The following NOTCH2 variants were observed in gnomAD, a reference collection of about 807,000 sequenced individuals.
NOTCH2 encodes notch receptor 2, also known as neurogenic locus notch homolog protein 2.
In NOTCH2, 29 loss-of-function variants were observed where a neutral mutation model predicts 235.8. That is an observed-to-expected ratio of 0.12 (90% CI 0.09 to 0.17). The LOEUF is 0.17. Ranked by LOEUF, NOTCH2 falls within the 10% of genes least tolerant of loss-of-function variation. NOTCH2 has a pLI of 1.00. For missense variants in NOTCH2, 2,285 were observed against 3,150.2 expected, an observed-to-expected ratio of 0.73 and a Z score of 6.57; for synonymous variants, 1,086 against 1,141.5, an observed-to-expected ratio of 0.95 and a Z score of 0.98.
intron 11 of NOTCH2, among the ~76,000 whole-genome samples, chr1:119,963,155 G>A (rs1283829812): frequency 7.3e-5 from 10 of 136,644 alleles, no homozygotes; most frequent in African/African-American, 2.8e-4. Flanking sequence ...TTAAAGGAAG[G>A]GAAGAAGGGA....
At chr1:119,999,960 A>AAGG in intron 3 of NOTCH2, among the ~76,000 whole-genome samples, 1 of 131,960 alleles carries the variant, frequency 7.6e-6, no homozygotes, top group South Asian at 2.5e-4. Flanking sequence ...AGAAAGAAAG[A>AAGG]AAGAAAGAAA....
intron 5 of NOTCH2, among the ~76,000 whole-genome samples, chr1:119,982,257 A>G (rs1440584316): frequency 6.6e-6 from 1 of 152,196 alleles, no homozygotes; most frequent in Non-Finnish European, 1.5e-5. Context: ...ATATCCACCT[A>G]ACTTCCATTG....
Position 119,922,621 on chromosome 1 carries a change from A to G in NOTCH2, c.5002+15T>C. On this transcript the variant is annotated intron_variant, in intron 27 of 33. Coordinates refer to ENST00000256646, the MANE Select transcript of NOTCH2 (RefSeq NM_024408.4). ...TTCCCCCGCCACCTTTCCCCTTTACACCAGTGCCACTCACTGACGACAGAC... is the reference window on the plus strand; with the variant it reads ...TTCCCCCGCCACCTTTCCCCTTTACGCCAGTGCCACTCACTGACGACAGAC... 2 of 1,613,628 alleles carry G rather than the reference A, an allele frequency of 1.2e-6. No homozygotes were observed. Among genetic ancestry groups the G allele is most frequent in the Middle Eastern group, 1.7e-4 (1 of 6,060 alleles).
chr1:120,063,497 T>A (rs1435392954), intron 1 of NOTCH2, among the ~76,000 whole-genome samples: 1 of 152,152 alleles, frequency 6.6e-6, no homozygotes, highest in Non-Finnish European at 1.5e-5. Flanking sequence ...AACAAAGTCA[T>A]ACAACACAAA....
chr1:119,916,303 T>C lies in NOTCH2; in HGVS notation c.6419A>G (p.Gln2140Arg), dbSNP rs771359660. The C allele has an allele frequency of 6.2e-7, 1 of 1,614,182 alleles. No homozygotes were observed. ...TAAAGTTACTGAACTCTCAGACAGT[T>C]GGACCTTCTCACTCAGAGACTTCTT... ...RRKKSLSEKV[Q>R]LSESSVTLSP... is the part of the protein sequence containing the mutation. Residue 2140 changes from glutamine to arginine, a missense_variant, in exon 34 of 34, where the codon CAA becomes CGA. Gln to Arg is a conservative substitution (Grantham distance 43). Around this residue, in one of 6 missense-constraint regions of NOTCH2, gnomAD observed 504 missense variants for 538.0 expected, o/e 0.94. Transcript: ENST00000256646.
rs587660020 is a variant in NOTCH2, at chr1:119,913,675, G to A, written c.*1631C>T. On this transcript the variant is annotated 3_prime_UTR_variant, in exon 34 of 34. Coordinates refer to ENST00000256646, the MANE Select transcript of NOTCH2 (RefSeq NM_024408.4). Reference sequence around the variant, plus strand: ...GCATGAATACAGAGAGTGGATTCAGGTGAGGGGCAATCAGTCTGAACAATG... The same window carrying A: ...GCATGAATACAGAGAGTGGATTCAGATGAGGGGCAATCAGTCTGAACAATG... 1 of 233,284 alleles carries A rather than the reference G, an allele frequency of 4.3e-6. No individual in the cohort carries two copies. The highest frequency in any genetic ancestry group is 8.5e-6 in the Non-Finnish European group (1 of 118,046). 14.5% of individuals were successfully genotyped at this position (233,284 alleles called of 1,614,324 possible). A position where few individuals can be genotyped will look rare whatever the true frequency, so the allele number is the denominator to read the frequency against.
chr1:119,926,676 A>T, intron 23 of NOTCH2, 65 bp from the exon 24 acceptor site: 1 of 1,348,010 alleles, frequency 7.4e-7, no homozygotes, highest in Non-Finnish European at 1.0e-6. Flanking sequence ...TTACTCAACA[A>T]ACTTTGCTGG....
rs1648996721 is a variant in NOTCH2 at position 119,914,506 on chromosome 1, AAGAAAAATTAAGGTGC to A, written c.*784_*799del. 1 of 233,408 alleles carries A rather than the reference AAGAAAAATTAAGGTGC, an allele frequency of 4.3e-6. No individual in the cohort carries two copies. Among genetic ancestry groups the A allele is most frequent in the Non-Finnish European group, 8.5e-6 (1 of 118,238 alleles). The allele number at this position is 233,408 out of a possible 1,614,324, so 14.5% of individuals were successfully genotyped here. A position where few individuals can be genotyped will look rare whatever the true frequency, so the allele number is the denominator to read the frequency against. ...TTTATATGAAGACCTGCACACAGAC[AAGAAAAATTAAGGTGC>A]AGCCTCTTGAAGGGATCTCCTGCCC... On this transcript the variant is annotated 3_prime_UTR_variant, in exon 34 of 34. Transcript: ENST00000256646.
At chr1:119,989,109 C>A (rs1038771350) in intron 4 of NOTCH2, among the ~76,000 whole-genome samples, 55 of 152,168 alleles carry the variant, frequency 3.6e-4, no homozygotes, top group African/African-American at 1.1e-3. Context: ...CTTCTGGGGC[C>A]AAACTGTCTA....
intron 12 of NOTCH2, among the ~76,000 whole-genome samples, chr1:119,956,097 T>A (rs1219488150): frequency 6.6e-6 from 1 of 152,218 alleles, no homozygotes; most frequent in Non-Finnish European, 1.5e-5. Context: ...GAAGTGAATA[T>A]GTTGCTCCTC....
intron 3 of NOTCH2, among the ~76,000 whole-genome samples, chr1:119,999,943 GAAA>G: frequency 8.9e-6 from 1 of 112,886 alleles, no homozygotes; most frequent in South Asian, 3.4e-4. Flanking sequence ...AAGAAAGAAA[GAAA>G]GAAAGAAAGA....
chr1:119,961,507 CT>C (rs1246498957), intron 11 of NOTCH2, among the ~76,000 whole-genome samples: 1 of 152,340 alleles, frequency 6.6e-6, no homozygotes, highest in African/African-American at 2.4e-5. Flanking sequence ...TGTGTGACCT[CT>C]GGTCTACAAA....
intron 2 of NOTCH2, among the ~76,000 whole-genome samples, chr1:120,006,083 C>T: frequency 6.6e-6 from 1 of 152,006 alleles, no homozygotes; most frequent in Non-Finnish European, 1.5e-5. Flanking sequence ...TGCTTTTCCT[C>T]AATTAAGCAT....
In NOTCH2 at chr1:119,929,031, C is replaced by G; in HGVS notation, c.3837G>C (p.Leu1279=). 1 of 1,614,122 alleles carries G rather than the reference C, an allele frequency of 6.2e-7. No individual in the cohort carries two copies. Among genetic ancestry groups the G allele is most frequent in the Non-Finnish European group, 8.5e-7 (1 of 1,180,026 alleles). The change falls in exon 23 of 34, where the codon CTG becomes CTC. Residue 1279 remains leucine, a synonymous_variant. Transcript: ENST00000256646. ...AGTCATTGGTGAGCTGTATACAGTC[C>G]AGGCTGCCCTCAGAGCTGCAGGGGT... is the stretch of plus-strand genomic sequence containing the variant. ...LSNPCSSEGS[L]DCIQLTNDYL... is the part of the protein sequence containing the mutation.
chr1:120,040,879 T>C lies in NOTCH2; in HGVS notation c.74-10892A>G, dbSNP rs1281844065. 1.8e-4 allele frequency among the ~76,000 whole-genome samples: 26 copies of C among 146,490 alleles called. No homozygotes were observed. In the South Asian group the frequency reaches 3.0e-3, roughly 17 times the overall value. ...GGTGAAACCACATCTCTACTAAAAA[T>C]ACAAAAAAAAAATTAGCTGGGCATG... On this transcript the variant is annotated intron_variant, in intron 1 of 33. Transcript: ENST00000256646.
chr1:119,975,944 G>A (rs976126485), intron 5 of NOTCH2, among the ~76,000 whole-genome samples: 3 of 152,162 alleles, frequency 2.0e-5, no homozygotes. Flanking sequence ...AGAAAGAAAA[G>A]AAGAGAAAGG....
chr1:120,017,836 G>A (rs1464215523), intron 2 of NOTCH2, among the ~76,000 whole-genome samples: 2 of 150,602 alleles, frequency 1.3e-5, no homozygotes, highest in African/African-American at 4.9e-5. Flanking sequence ...ATTCCCTCTT[G>A]CACTTTTATT....
chr1:119,921,734 C>A lies in NOTCH2; in HGVS notation c.5289G>T (p.Gly1763=). 1 of 1,614,090 alleles carries A rather than the reference C, an allele frequency of 6.2e-7. No homozygotes were observed. Among genetic ancestry groups the A allele is most frequent in the Non-Finnish European group, 8.5e-7 (1 of 1,179,968 alleles). The change falls in exon 29 of 34, where the codon GGG becomes GGT. Residue 1763 remains glycine (G), a synonymous_variant. Transcript: ENST00000256646. The part of the protein sequence containing the change: ...GTSEHWVDDE[G]PQPKKVKAED... ...TCACCTTTACTTTCTTTGGCTGGGG[C>A]CCTTCATCATCGACCCAGTGTTCAC...
chr1:119,991,755 A>G (rs1428981638), intron 4 of NOTCH2: 1 of 62,232 alleles, frequency 1.6e-5, no homozygotes, highest in East Asian at 3.5e-4. Flanking sequence ...TGAACCCGGG[A>G]GGTGGAGGTT....
Sources: gnomAD v4.1 joint callset for allele counts (sites outside exome capture counted in the v4.1 genomes callset) on GRCh38, gnomAD v4.1.1 for gene constraint, gnomAD v4.1.1 regional missense constraint, MANE v1.5 for transcripts, NCBI Gene and HGNC (gene_info 2026-07-23, HGNC 2026-07-21) for gene names.